CHST15: variants seen among roughly 807,000 people sequenced by gnomAD.
CHST15 encodes the protein carbohydrate sulfotransferase 15, also known as B cell RAG associated protein (GALNAC4S-6ST).
A neutral mutation model predicts 53.6 loss-of-function variants in CHST15; 30 were observed. That is an observed-to-expected ratio of 0.56 (90% CI 0.42 to 0.76). The LOEUF is 0.76. Among genes scored for constraint, CHST15 ranks in the 30% least tolerant of loss-of-function variants. The probability of loss-of-function intolerance (pLI) is 0.00; values close to 1 mark genes in which losing one functional copy is unlikely to be tolerated. For synonymous variants in CHST15, 296 were observed against 289.8 expected (o/e 1.02, Z -0.22); for missense variants, 627 against 740.5 (o/e 0.85, Z 1.78).
intron 6 of CHST15, among the ~76,000 whole-genome samples, chr10:124,014,281 G>A (rs1273689810): frequency 6.6e-6 from 1 of 152,224 alleles, no homozygotes. Context: ...GTTCTCGGGT[G>A]CAACTGCTGA....
intron 1 of CHST15, among the ~76,000 whole-genome samples, chr10:124,060,640 A>G (rs972905664): frequency 2.6e-5 from 4 of 152,210 alleles, no homozygotes; most frequent in East Asian, 1.9e-4. Flanking sequence ...CAGCCCCTCT[A>G]CCTCCAGTGT....
rs1946684452 is a variant in CHST15 at position 124,019,174 on chromosome 10, C to G, written c.1347+2082G>C. ...CTGCAACTTGATTCGTGTCTGTCAG[C>G]ACACTGGGCACCCCTCTCTGCTCAG... is the stretch of plus-strand genomic sequence containing the variant. On this transcript the variant is annotated intron_variant, in intron 6 of 7. Coordinates refer to ENST00000435907, the MANE Select transcript of CHST15 (RefSeq NM_001270764.2). This position sits in a 1 kb window ranked among gnomAD's most constrained non-coding sequence, Gnocchi z 4.6. Among the ~76,000 whole-genome samples, 1 of 152,172 alleles carries G rather than the reference C, an allele frequency of 6.6e-6. No homozygotes were observed. The highest frequency in any genetic ancestry group is 2.4e-5 in the African/African-American group (1 of 41,442).
intron 1 of CHST15, among the ~76,000 whole-genome samples, chr10:124,087,130 A>G (rs1949456018): frequency 6.6e-6 from 1 of 152,208 alleles, no homozygotes; most frequent in Admixed American, 6.5e-5. Context: ...GGGTAAGATA[A>G]TACATCTTAC....
At chr10:124,051,223 C>A (rs936017100) in intron 1 of CHST15, among the ~76,000 whole-genome samples, 1 of 152,128 alleles carries the variant, frequency 6.6e-6, no homozygotes, top group Non-Finnish European at 1.5e-5. Flanking sequence ...GGATTACAGG[C>A]ATGAGGCACC....
Position 124,042,210 on chromosome 10 carries a change from T to C in CHST15, c.1033+91A>G, listed in dbSNP as rs192873755. Reference sequence around the variant, plus strand: ...GTTTGCTGCCACCATGTAAATGTTCTGGAGGTGAAGCAGAGCTGGGCTAGG... The same window carrying C: ...GTTTGCTGCCACCATGTAAATGTTCCGGAGGTGAAGCAGAGCTGGGCTAGG... On this transcript the variant is annotated intron_variant, in intron 4 of 7. Transcript: ENST00000435907. 7 of 1,346,848 alleles carry C rather than the reference T, an allele frequency of 5.2e-6. No individual in the cohort carries two copies. In the East Asian group the frequency reaches 1.6e-4, roughly 31 times the overall value. The allele number at this position is 1,346,848 out of a possible 1,614,324, so 83.4% of individuals were successfully genotyped here.
intron 1 of CHST15, among the ~76,000 whole-genome samples, chr10:124,077,327 A>AT (rs1243389174): frequency 1.3e-5 from 2 of 152,190 alleles, no homozygotes; most frequent in Admixed American, 6.5e-5. Flanking sequence ...CCTGTTTATC[A>AT]TAAGTCTGAT....
chr10:124,036,074 G>C lies in CHST15; in HGVS notation c.1190+2441C>G, dbSNP rs1486563729. The stretch of plus-strand genomic sequence containing the variant: ...GACCTTTCTCAGAATGAGGAACTAA[G>C]CAGCAGCGACAGGAAAACATTTGAT... On this transcript the variant is annotated intron_variant, in intron 5 of 7. Transcript: ENST00000435907. This position sits in a 1 kb window ranked among gnomAD's most constrained non-coding sequence, Gnocchi z 5.1. Among the ~76,000 whole-genome samples the C allele has an allele frequency of 6.6e-6, 1 of 152,264 alleles. No homozygotes were observed. The highest frequency in any genetic ancestry group is 1.5e-5 in the Non-Finnish European group (1 of 68,046).
In CHST15 at chr10:124,068,961, G is replaced by A. The variant is rs181125391; in HGVS notation, c.-512-22237C>T. 1.8e-4 allele frequency among the ~76,000 whole-genome samples: 28 copies of A among 152,340 alleles called. No individual in the cohort carries two copies. The East Asian group carries it at 5.2e-3, about 28-fold the overall frequency. On this transcript the variant is annotated intron_variant, in intron 1 of 7. Transcript: ENST00000435907. ...TAAGTATACAAAGAAAGCATACAAG[G>A]AGATAATCGAAGCTAGAAAGTATCA...
At chr10:124,025,693 A>C (rs1164378264) in intron 5 of CHST15, among the ~76,000 whole-genome samples, 1 of 152,228 alleles carries the variant, frequency 6.6e-6, no homozygotes, top group Non-Finnish European at 1.5e-5. Flanking sequence ...GATGTCATTA[A>C]GTGTAGGATC....
In CHST15 at chr10:124,042,315, T is replaced by C. The variant is rs748507698; in HGVS notation, c.1019A>G (p.Asn340Ser). 1.2e-6 allele frequency: 2 copies of C among 1,612,478 alleles called. No individual in the cohort carries two copies. The highest frequency in any genetic ancestry group is 1.7e-6 in the Non-Finnish European group (2 of 1,178,568). The change falls in exon 4 of 8, where the codon AAT (asparagine) becomes AGT (serine). Residue 340 changes from asparagine (N) to serine (S), a missense_variant. Transcript: ENST00000435907. ...ASSAKEQSKM[N>S]TIIIGEASAS... ...AGACGCCTTACCGATAATGATTGTATTCATCTTGCTCTGCTCCTTTGCAGA... is the reference window on the plus strand; with the variant it reads ...AGACGCCTTACCGATAATGATTGTACTCATCTTGCTCTGCTCCTTTGCAGA...
chr10:124,082,149 T>G (rs1247086345), intron 1 of CHST15, among the ~76,000 whole-genome samples: 19 of 152,144 alleles, frequency 1.2e-4, no homozygotes, highest in Non-Finnish European at 2.9e-5. Flanking sequence ...ATTGGATGAC[T>G]GAAAACCTTG....
At chr10:124,067,178 A>T (rs1412183259) in intron 1 of CHST15, among the ~76,000 whole-genome samples, 4 of 152,210 alleles carry the variant, frequency 2.6e-5, no homozygotes, top group Non-Finnish European at 5.9e-5. Context: ...GGGGATCACA[A>T]AGAAGAGATT....
At chr10:124,086,824 G>A (rs1011203053) in intron 1 of CHST15, among the ~76,000 whole-genome samples, 5 of 152,128 alleles carry the variant, frequency 3.3e-5, no homozygotes, top group African/African-American at 1.2e-4. Context: ...TTTACAGATG[G>A]GGAAACCGAG....
Position 124,063,341 on chromosome 10 carries a change from C to A in CHST15, c.-512-16617G>T, listed in dbSNP as rs1411207928. ...GAGGTTGCAGTGAGCTGAGATCGCA[C>A]CACTGCACTCCAGCCTGGGGGGACA... On this transcript the variant is annotated intron_variant, in intron 1 of 7. Coordinates refer to ENST00000435907, the MANE Select transcript of CHST15 (RefSeq NM_001270764.2). 2.0e-5 allele frequency among the ~76,000 whole-genome samples: 3 copies of A among 152,092 alleles called. No individual in the cohort carries two copies. The East Asian group carries it at 5.8e-4, about 29-fold the overall frequency.
At chr10:124,063,816 T>G (rs535781535) in intron 1 of CHST15, among the ~76,000 whole-genome samples, 2 of 152,316 alleles carry the variant, frequency 1.3e-5, no homozygotes, top group African/African-American at 4.8e-5. Flanking sequence ...CAGGGGCAGC[T>G]GCCAGCTCTG....
At chr10:124,043,946 C>G (rs1236974706) in intron 3 of CHST15, among the ~76,000 whole-genome samples, 1 of 140,852 alleles carries the variant, frequency 7.1e-6, no homozygotes, top group Non-Finnish European at 1.5e-5. Context: ...AGCAGGGGAA[C>G]AGCACAGAGC....
At chr10:124,038,479 T>A in intron 5 of CHST15, 36 bp downstream of exon 5, 1 of 1,603,428 alleles carries the variant, frequency 6.2e-7, no homozygotes, top group Non-Finnish European at 8.5e-7. Flanking sequence ...AAAGTTCCTC[T>A]TCTCACCCCA....
chr10:124,062,157 G>A (rs1447734970), intron 1 of CHST15, among the ~76,000 whole-genome samples: 1 of 152,122 alleles, frequency 6.6e-6, no homozygotes, highest in African/African-American at 2.4e-5. Context: ...GAGTGGGCAT[G>A]CATCTTTACA....
intron 1 of CHST15, among the ~76,000 whole-genome samples, chr10:124,058,038 T>C (rs1179066788): frequency 6.6e-6 from 1 of 152,232 alleles, no homozygotes; most frequent in Non-Finnish European, 1.5e-5. Flanking sequence ...AATAATTTTT[T>C]CTGAAACCAA....
Sources: allele counts gnomAD v4.1 joint callset (sites outside exome capture counted in the v4.1 genomes callset), GRCh38; gene constraint gnomAD v4.1.1; non-coding constraint Gnocchi (gnomAD v3.1); transcripts MANE v1.5; gene names NCBI Gene and HGNC (gene_info 2026-07-23, HGNC 2026-07-21).